The following PDZRN4 variants were observed in gnomAD, a reference collection of about 807,000 sequenced individuals.
PDZRN4 encodes the protein PDZ domain-containing RING finger protein 4.
In PDZRN4, 70 loss-of-function variants were observed where a neutral mutation model predicts 99.0. That is an observed-to-expected ratio of 0.71 (90% CI 0.58 to 0.86). PDZRN4 has a LOEUF of 0.86. PDZRN4 is among the 40% of genes least tolerant of loss of function. PDZRN4 has a pLI of 0.00. For missense variants in PDZRN4, 1,474 were observed against 1,331.2 expected, an observed-to-expected ratio of 1.11 and a Z score of -1.67; for synonymous variants, 551 against 501.6, an observed-to-expected ratio of 1.10 and a Z score of -1.32.
At chr12:41,198,483 G>A (rs1950792981) in intron 3 of PDZRN4, among the ~76,000 whole-genome samples, 1 of 151,310 alleles carries the variant, frequency 6.6e-6, no homozygotes, top group South Asian at 2.1e-4. Flanking sequence ...TTTTTTTAGT[G>A]TATATATTAA....
At chr12:41,327,068 G>C (rs10785233) in intron 3 of PDZRN4, among the ~76,000 whole-genome samples, 122,793 of 152,122 alleles carry the variant, frequency 0.81, 52,863 homozygotes, top group Non-Finnish European at 0.96. Flanking sequence ...ATTCCTCTTT[G>C]TTTCTGTATT....
intron 5 of PDZRN4, among the ~76,000 whole-genome samples, chr12:41,530,896 G>A (rs1209666058): frequency 6.6e-6 from 1 of 152,052 alleles, no homozygotes; most frequent in Non-Finnish European, 1.5e-5. Flanking sequence ...GTGCAATGGG[G>A]GTGTGGCTCG....
chr12:41,523,897 G>A (rs7134029), intron 5 of PDZRN4, among the ~76,000 whole-genome samples: 2,973 of 152,210 alleles, frequency 0.02, 84 homozygotes, highest in African/African-American at 0.064. Context: ...CTTTATAGAG[G>A]TATGAACATA....
chr12:41,292,837 ACT>A (rs1411279347), intron 3 of PDZRN4, among the ~76,000 whole-genome samples: 1 of 151,834 alleles, frequency 6.6e-6, no homozygotes, highest in Non-Finnish European at 1.5e-5. Flanking sequence ...AATGTTTTAG[ACT>A]CTATATTGAC....
intron 3 of PDZRN4, among the ~76,000 whole-genome samples, chr12:41,490,398 T>A (rs1592082043): frequency 6.6e-6 from 1 of 152,126 alleles, no homozygotes; most frequent in East Asian, 1.9e-4. Flanking sequence ...ACCCAAAAAT[T>A]TGCAAGCATG....
intron 5 of PDZRN4, among the ~76,000 whole-genome samples, chr12:41,528,070 G>A (rs182768223): frequency 6.6e-6 from 1 of 152,140 alleles, no homozygotes; most frequent in African/African-American, 2.4e-5. Flanking sequence ...TAGCAAAAAG[G>A]GTAGTAAATT....
At chr12:41,365,619 ACCC>A (rs1438852933) in intron 3 of PDZRN4, among the ~76,000 whole-genome samples, 2 of 151,994 alleles carry the variant, frequency 1.3e-5, no homozygotes, top group Non-Finnish European at 2.9e-5. Flanking sequence ...AGCAGAAGAA[ACCC>A]AGAATTCTCA....
At chr12:41,278,417 A>C (rs867943832) in intron 3 of PDZRN4, among the ~76,000 whole-genome samples, 1 of 152,212 alleles carries the variant, frequency 6.6e-6, no homozygotes, top group African/African-American at 2.4e-5. Flanking sequence ...TAATCTTAGC[A>C]GTCTGTTAAA....
intron 5 of PDZRN4, among the ~76,000 whole-genome samples, chr12:41,545,416 A>G (rs1938928443): frequency 6.6e-6 from 1 of 152,028 alleles, no homozygotes; most frequent in Non-Finnish European, 1.5e-5. Context: ...GATCTCTTCA[A>G]AATTTGCTGG....
At chr12:41,515,294 A>G (rs1310112374) in intron 5 of PDZRN4, among the ~76,000 whole-genome samples, 1 of 152,112 alleles carries the variant, frequency 6.6e-6, no homozygotes, top group Admixed American at 6.6e-5. Flanking sequence ...ATAAAAGAGT[A>G]GCATATTTAG....
chr12:41,406,097 A>C (rs984224701), intron 3 of PDZRN4, among the ~76,000 whole-genome samples: 9 of 152,272 alleles, frequency 5.9e-5, no homozygotes, highest in South Asian at 2.1e-4. Context: ...ACTAAAAAAA[A>C]CCAAAATATT....
rs1952853125 is a variant in PDZRN4, at chr12:41,459,844, G to A, written c.844-46612G>A. The A allele has an allele frequency of 1.7e-5, 15 of 880,570 alleles. No individual in the cohort carries two copies. The South Asian group carries it at 2.5e-4, about 14-fold the overall frequency. The allele number at this position is 880,570 out of a possible 1,614,324, so 54.5% of individuals were successfully genotyped here. A position where few individuals can be genotyped will look rare whatever the true frequency, so the allele number is the denominator to read the frequency against. The stretch of plus-strand genomic sequence containing the variant: ...CATCATGTACATTCAGGGGTATTGG[G>A]AAAAAATACCCATTAAATTAACATT... On this transcript the variant is annotated intron_variant, in intron 3 of 9. Coordinates refer to ENST00000402685, the MANE Select transcript of PDZRN4 (RefSeq NM_001164595.2).
At chr12:41,497,199 G>T (rs566805463) in intron 3 of PDZRN4, among the ~76,000 whole-genome samples, 1 of 152,176 alleles carries the variant, frequency 6.6e-6, no homozygotes, top group South Asian at 2.1e-4. Context: ...CTTGTTCAAT[G>T]GATATGAAAG....
At chr12:41,295,083 G>A (rs574230268) in intron 3 of PDZRN4, among the ~76,000 whole-genome samples, 1 of 151,986 alleles carries the variant, frequency 6.6e-6, no homozygotes, top group Non-Finnish European at 1.5e-5. Flanking sequence ...AATTTTGAGA[G>A]GTAATGTTTC....
chr12:41,566,652 G>A (rs1592116068), intron 8 of PDZRN4, among the ~76,000 whole-genome samples: 1 of 152,144 alleles, frequency 6.6e-6, no homozygotes, highest in Non-Finnish European at 1.5e-5. Flanking sequence ...TAATAAAGAT[G>A]ATACCTGTAT....
At chr12:41,374,451 C>A (rs2121087299) in intron 3 of PDZRN4, among the ~76,000 whole-genome samples, 1 of 152,148 alleles carries the variant, frequency 6.6e-6, no homozygotes, top group East Asian at 1.9e-4. Flanking sequence ...CAGTGAGGGC[C>A]AAGTCTTGTC....
In PDZRN4 at chr12:41,206,550, A is replaced by G. The variant is rs188335990; in HGVS notation, c.843+12362A>G. On this transcript the variant is annotated intron_variant, in intron 3 of 9. Coordinates refer to ENST00000402685, the MANE Select transcript of PDZRN4 (RefSeq NM_001164595.2). ...AAGCTTAATTAATTAATAAATTAATAAATTAATAATTTATTAAGGAGCTTA... is the reference window on the plus strand; with the variant it reads ...AAGCTTAATTAATTAATAAATTAATGAATTAATAATTTATTAAGGAGCTTA... 1.7e-3 allele frequency among the ~76,000 whole-genome samples: 242 copies of G among 145,080 alleles called. 2 individuals are homozygous for G. The highest frequency in any genetic ancestry group is 6.7e-3 in the African/African-American group (236 of 35,406).
At chr12:41,352,797 A>G (rs1417092446) in intron 3 of PDZRN4, among the ~76,000 whole-genome samples, 1 of 152,158 alleles carries the variant, frequency 6.6e-6, no homozygotes, top group Non-Finnish European at 1.5e-5. Context: ...AGGTGTGAGC[A>G]TTGATACAAA....
chr12:41,522,512 T>C (rs973029049), intron 5 of PDZRN4, among the ~76,000 whole-genome samples: 1 of 152,116 alleles, frequency 6.6e-6, no homozygotes, highest in South Asian at 2.1e-4. Context: ...TTAATTCATA[T>C]AGGTGGCAGC....
Sources: gnomAD v4.1 joint callset for allele counts (sites outside exome capture counted in the v4.1 genomes callset) on GRCh38, gnomAD v4.1.1 for gene constraint, MANE v1.5 for transcripts, NCBI Gene and HGNC (gene_info 2026-07-23, HGNC 2026-07-21) for gene names.